SHANK2: variants seen among roughly 807,000 people sequenced by gnomAD.
SHANK2 encodes SH3 and multiple ankyrin repeat domains protein 2.
A neutral mutation model predicts 133.7 loss-of-function variants in SHANK2; 43 were observed. The ratio of observed to expected loss-of-function variants is 0.32; its 90% CI spans 0.25 to 0.41. The LOEUF (loss-of-function observed/expected upper bound fraction) is 0.41, where lower values mean the gene tolerates loss of function less well. Ranked by LOEUF, SHANK2 falls within the 10% of genes least tolerant of loss-of-function variation. The pLI, the probability that SHANK2 is intolerant of heterozygous loss-of-function variation, is 1.00. For missense variants in SHANK2, 1,994 were observed against 2,235.8 expected (o/e 0.89, Z 2.18); for synonymous variants, 1,017 against 952.8 (o/e 1.07, Z -1.24).
chr11:70,730,107 G>A (rs1344474874), intron 14 of SHANK2, among the ~76,000 whole-genome samples: 1 of 152,110 alleles, frequency 6.6e-6, no homozygotes, highest in Admixed American at 6.5e-5. Flanking sequence ...GCCTTGGAGA[G>A]GAGGAAGTGG....
At chr11:70,529,089 C>G (rs565266568) in intron 17 of SHANK2, among the ~76,000 whole-genome samples, 1 of 152,220 alleles carries the variant, frequency 6.6e-6, no homozygotes, top group African/African-American at 2.4e-5. Context: ...TCACTTACTC[C>G]CCTTTGGGAC....
rs1191417706 is a variant in SHANK2 at position 70,672,758 on chromosome 11, CAT to C, written c.1854-11082_1854-11081del. On this transcript the variant is annotated intron_variant, in intron 15 of 25. Coordinates refer to ENST00000601538, the MANE Select transcript of SHANK2 (RefSeq NM_012309.5). ...TTGCTGTCTGACTCCCCCAGTAGCA[CAT>C]GAGTGCCCCCGAAGGCAGGACGGTT... 2.6e-5 allele frequency among the ~76,000 whole-genome samples: 4 copies of C among 152,352 alleles called. No homozygotes were observed. The East Asian group carries it at 5.8e-4, about 22-fold the overall frequency.
At chr11:71,144,731 T>C (rs536826433) in intron 3 of SHANK2, among the ~76,000 whole-genome samples, 1 of 152,296 alleles carries the variant, frequency 6.6e-6, no homozygotes, top group East Asian at 1.9e-4. Flanking sequence ...TTCTTTTACC[T>C]TCACAGATTT....
intron 14 of SHANK2, among the ~76,000 whole-genome samples, chr11:70,795,701 T>G (rs1002144608): frequency 1.3e-5 from 2 of 152,142 alleles, no homozygotes; most frequent in African/African-American, 4.8e-5. Flanking sequence ...TCACTGCACC[T>G]GGCCATAATC....
intron 11 of SHANK2, among the ~76,000 whole-genome samples, chr11:70,824,424 C>A (rs150188028): frequency 6.6e-6 from 1 of 152,088 alleles, no homozygotes; most frequent in African/African-American, 2.4e-5. Context: ...GCTAAGCAGC[C>A]GGGGCTCCTC....
intron 12 of SHANK2, among the ~76,000 whole-genome samples, chr11:70,816,592 G>T (rs1948402994): frequency 1.3e-5 from 2 of 152,338 alleles, no homozygotes; most frequent in Middle Eastern, 3.4e-3. Flanking sequence ...GAAAGAGCTG[G>T]TTTTTCAGGA....
chr11:70,803,020 G>T (rs12164812), intron 13 of SHANK2, among the ~76,000 whole-genome samples: 1 of 152,156 alleles, frequency 6.6e-6, no homozygotes, highest in African/African-American at 2.4e-5. Flanking sequence ...GAGAGGGAGC[G>T]TGGCAGGTGG....
chr11:71,079,506 A>C (rs1951264074), intron 8 of SHANK2, among the ~76,000 whole-genome samples: 1 of 152,124 alleles, frequency 6.6e-6, no homozygotes, highest in Non-Finnish European at 1.5e-5. Context: ...CATGCCTGTA[A>C]TCCCAGCACT....
intron 15 of SHANK2, chr11:70,698,370 C>T: frequency 2.3e-6 from 1 of 427,456 alleles, no homozygotes; most frequent in East Asian, 4.5e-5. Context: ...TGCCCCAATA[C>T]TGCCTCAAGG....
rs2058561431 is a variant in SHANK2 at position 70,468,623 on chromosome 11, G to A, written c.*4246C>T. The A allele has an allele frequency of 1.3e-5, 2 of 152,314 alleles. No individual in the cohort carries two copies. The highest frequency in any genetic ancestry group is 4.1e-4 in the South Asian group (2 of 4,824). The allele number at this position is 152,314 out of a possible 1,614,324, so 9.4% of individuals were successfully genotyped here. A position where few individuals can be genotyped will look rare whatever the true frequency, so the allele number is the denominator to read the frequency against. On this transcript the variant is annotated 3_prime_UTR_variant, in exon 26 of 26. Coordinates refer to ENST00000601538, the MANE Select transcript of SHANK2 (RefSeq NM_012309.5). ...AAACGAATATATTCATCTAGGAAAA[G>A]TGGTCTGGAAGAAACCATTGGAAGC...
In SHANK2 at chr11:70,589,357, C is replaced by G. The variant is rs1407447875; in HGVS notation, c.2061+70471G>C. Among the ~76,000 whole-genome samples, 3 of 151,980 alleles carry G rather than the reference C, an allele frequency of 2.0e-5. 1 individual carries two copies. The South Asian group carries it at 6.2e-4, about 31-fold the overall frequency. On this transcript the variant is annotated intron_variant, in intron 17 of 25. Transcript: ENST00000601538. Reference sequence around the variant, plus strand: ...AAATGGATCAACAAAGCCTGGATGACAGCATATCTGTTTACAGCATGGCTA... The same window carrying G: ...AAATGGATCAACAAAGCCTGGATGAGAGCATATCTGTTTACAGCATGGCTA...
chr11:71,183,307 C>T (rs1430600624), intron 2 of SHANK2, among the ~76,000 whole-genome samples: 1 of 151,976 alleles, frequency 6.6e-6, no homozygotes, highest in Non-Finnish European at 1.5e-5. Flanking sequence ...ACAGGCTGCC[C>T]GACTCATGCT....
chr11:70,570,132 C>T (rs1452343048), intron 17 of SHANK2, among the ~76,000 whole-genome samples: 4 of 152,202 alleles, frequency 2.6e-5, no homozygotes, highest in Non-Finnish European at 5.9e-5. Flanking sequence ...CAAGGCTTGA[C>T]CGAATGACAA....
chr11:71,128,767 C>T (rs186623243), intron 3 of SHANK2, among the ~76,000 whole-genome samples: 73 of 152,310 alleles, frequency 4.8e-4, no homozygotes, highest in African/African-American at 1.6e-3. Flanking sequence ...CTCCCTGCCC[C>T]AGCCCGAGCT....
At chr11:70,857,633 C>T (rs1205081363) in intron 11 of SHANK2, among the ~76,000 whole-genome samples, 14 of 152,182 alleles carry the variant, frequency 9.2e-5, no homozygotes, top group African/African-American at 1.4e-4. Context: ...TGCTGCCCAC[C>T]CCATCATCCT....
At chr11:70,490,634 G>C (rs2058873230) in intron 22 of SHANK2, among the ~76,000 whole-genome samples, 1 of 152,268 alleles carries the variant, frequency 6.6e-6, no homozygotes, top group Non-Finnish European at 1.5e-5. Context: ...ATGGCAGCAT[G>C]CCCTGTTCCA....
rs200681865 is a variant in SHANK2 at position 70,876,622 on chromosome 11, CAT to C, written c.1174+19877_1174+19878del. Reference sequence around the variant, plus strand: ...ACACACACACACACGCACACACACACATGCATACACATGCATATATTGCATGT... The same window carrying C: ...ACACACACACACACGCACACACACACGCATACACATGCATATATTGCATGT... On this transcript the variant is annotated intron_variant, in intron 11 of 25. Coordinates refer to ENST00000601538, the MANE Select transcript of SHANK2 (RefSeq NM_012309.5). 2.8e-3 allele frequency among the ~76,000 whole-genome samples: 386 copies of C among 137,036 alleles called. 1 individual carries two copies. The highest frequency in any genetic ancestry group is 0.01 in the Middle Eastern group (3 of 294). The allele number at this position is 137,036 out of a possible 152,430, so 89.9% of individuals were successfully genotyped here. A position where few individuals can be genotyped will look rare whatever the true frequency, so the allele number is the denominator to read the frequency against.
At chr11:70,946,988 C>T (rs568311792) in intron 10 of SHANK2, among the ~76,000 whole-genome samples, 1 of 151,540 alleles carries the variant, frequency 6.6e-6, no homozygotes, top group Admixed American at 6.6e-5. Flanking sequence ...CAACCCTTCC[C>T]AGGCTCAACC....
intron 14 of SHANK2, among the ~76,000 whole-genome samples, chr11:70,771,580 C>T (rs1555042788): frequency 6.6e-6 from 1 of 152,054 alleles, no homozygotes; most frequent in African/African-American, 2.4e-5. Flanking sequence ...TCCAGGGGAT[C>T]TGGCAGTTTT....
Sources: allele counts gnomAD v4.1 joint callset (sites outside exome capture counted in the v4.1 genomes callset), GRCh38; gene constraint gnomAD v4.1.1; transcripts MANE v1.5; gene names NCBI Gene and HGNC (gene_info 2026-07-23, HGNC 2026-07-21).